Variants in LRRTM4 observed in about 807,000 individuals in gnomAD.
LRRTM4 encodes leucine rich repeat transmembrane neuronal 4.
Under a neutral mutation model 47.6 loss-of-function variants are expected in LRRTM4, and 25 were observed. That is an observed-to-expected ratio of 0.53 (90% CI 0.38 to 0.73). The LOEUF (loss-of-function observed/expected upper bound fraction) is 0.73. Among genes scored for constraint, LRRTM4 ranks in the 30% least tolerant of loss-of-function variants. The pLI is 0.00. For synonymous variants in LRRTM4, 311 were observed against 269.5 expected (o/e 1.15, Z -1.51); for missense variants, 638 against 713.4 (o/e 0.89, Z 1.20).
chr2:76,924,965 C>A (rs539245419), intron 3 of LRRTM4, among the ~76,000 whole-genome samples: 1 of 151,968 alleles, frequency 6.6e-6, no homozygotes, highest in Middle Eastern at 3.4e-3. Context: ...TCTATTGACA[C>A]GTGCCTTTGT....
intron 3 of LRRTM4, among the ~76,000 whole-genome samples, chr2:76,842,322 T>C (rs904442250): frequency 3.9e-5 from 6 of 152,180 alleles, no homozygotes; most frequent in Admixed American, 1.3e-4. Flanking sequence ...CTGACTTCAG[T>C]TGGCAGATGA....
chr2:76,795,366 AAC>A (rs1558658235), intron 3 of LRRTM4, among the ~76,000 whole-genome samples: 10 of 147,914 alleles, frequency 6.8e-5, no homozygotes, highest in South Asian at 2.1e-4. Flanking sequence ...GAATTTAACC[AAC>A]TTTATATAAG....
At chr2:77,044,733 G>T (rs184369495) in intron 3 of LRRTM4, among the ~76,000 whole-genome samples, 3 of 151,066 alleles carry the variant, frequency 2.0e-5, no homozygotes, top group Non-Finnish European at 1.5e-5. Flanking sequence ...TCTCATTTGT[G>T]CCACCTATAT....
Position 76,899,459 on chromosome 2 carries a change from C to A in LRRTM4, c.1552-150543G>T, listed in dbSNP as rs72821259. 5.8e-3 allele frequency among the ~76,000 whole-genome samples: 881 copies of A among 151,846 alleles called. 5 individuals are homozygous for A. The highest frequency in any genetic ancestry group is 0.027 in the Middle Eastern group (8 of 294). The stretch of plus-strand genomic sequence containing the variant: ...TTTAGGGTTGACTACCCATGTTAAG[C>A]TTTATGGAGAAGGTGATATTTGAAC... On this transcript the variant is annotated intron_variant, in intron 3 of 3. Transcript: ENST00000409884.
At chr2:77,123,528 G>C (rs890239061) in intron 3 of LRRTM4, among the ~76,000 whole-genome samples, 2 of 151,900 alleles carry the variant, frequency 1.3e-5, no homozygotes, top group African/African-American at 4.8e-5. Flanking sequence ...ACCTAAAATA[G>C]CAAAGATTCA....
At chr2:77,053,988 T>C (rs1679521581) in intron 3 of LRRTM4, among the ~76,000 whole-genome samples, 1 of 152,088 alleles carries the variant, frequency 6.6e-6, no homozygotes, top group African/African-American at 2.4e-5. Context: ...AAAAAAAGCT[T>C]TCAGTGAAAA....
chr2:77,395,684 C>T (rs932158229), intron 3 of LRRTM4, among the ~76,000 whole-genome samples: 2 of 152,090 alleles, frequency 1.3e-5, no homozygotes, highest in African/African-American at 2.4e-5. Context: ...GCTCCTCTTA[C>T]TAGACCTAAA....
rs1403448453 is a variant in LRRTM4, at chr2:77,081,734, T to C, written c.1552-332818A>G. Among the ~76,000 whole-genome samples the C allele has an allele frequency of 2.0e-5, 3 of 152,318 alleles. No individual in the cohort carries two copies. The East Asian group carries it at 5.8e-4, about 29-fold the overall frequency. On this transcript the variant is annotated intron_variant, in intron 3 of 3. Coordinates refer to ENST00000409884, the MANE Select transcript of LRRTM4 (RefSeq NM_001134745.3). ...TGGATAGGCTTTTAAAAAATTGTTC[T>C]AGACCTAATTTTCTGATAATGCTGC...
intron 3 of LRRTM4, among the ~76,000 whole-genome samples, chr2:77,386,809 G>A (rs898238409): frequency 1.3e-5 from 2 of 152,032 alleles, no homozygotes; most frequent in African/African-American, 2.4e-5. Context: ...CAAGGGGAGG[G>A]AGAGCATTAG....
At chr2:77,479,734 CTCTCTTTCTCTT>C (rs375901673) in intron 3 of LRRTM4, among the ~76,000 whole-genome samples, 1 of 151,496 alleles carries the variant, frequency 6.6e-6, no homozygotes, top group Non-Finnish European at 1.5e-5. Context: ...CTCTCCATCT[CTCTCTTTCTCTT>C]TCTCTTTCTC....
intron 3 of LRRTM4, among the ~76,000 whole-genome samples, chr2:77,090,602 C>T (rs568437769): frequency 6.6e-6 from 1 of 152,180 alleles, no homozygotes; most frequent in South Asian, 2.1e-4. Context: ...AACGCCTGAA[C>T]CGCAGTGGCC....
intron 3 of LRRTM4, among the ~76,000 whole-genome samples, chr2:76,850,664 C>T (rs1305761102): frequency 1.3e-5 from 2 of 152,130 alleles, no homozygotes; most frequent in Non-Finnish European, 2.9e-5. Context: ...TGTCCTTTCC[C>T]CACCTCTGTT....
At chr2:77,359,831 G>T (rs1368278985) in intron 3 of LRRTM4, among the ~76,000 whole-genome samples, 2 of 152,056 alleles carry the variant, frequency 1.3e-5, no homozygotes, top group Non-Finnish European at 2.9e-5. Flanking sequence ...CAAAGTGCCT[G>T]GTACACAGTA....
chr2:77,317,130 T>C (rs1012575372), intron 3 of LRRTM4, among the ~76,000 whole-genome samples: 5 of 148,082 alleles, frequency 3.4e-5, no homozygotes, highest in African/African-American at 1.2e-4. Flanking sequence ...ATCTTCATGA[T>C]AAAATGTAAA....
intron 3 of LRRTM4, among the ~76,000 whole-genome samples, chr2:77,506,745 A>G (rs1678792154): frequency 6.6e-6 from 1 of 151,914 alleles, no homozygotes; most frequent in South Asian, 2.1e-4. Context: ...GTAGGAATCT[A>G]TCAACATGAT....
chr2:76,836,555 T>C (rs1671519475), intron 3 of LRRTM4, among the ~76,000 whole-genome samples: 1 of 151,728 alleles, frequency 6.6e-6, no homozygotes, highest in Non-Finnish European at 1.5e-5. Context: ...GTAATAATAA[T>C]ATTGATGATA....
intron 3 of LRRTM4, among the ~76,000 whole-genome samples, chr2:77,466,817 G>T: frequency 6.6e-6 from 1 of 150,440 alleles, no homozygotes; most frequent in Non-Finnish European, 1.5e-5. Context: ...TCCTGCCTCA[G>T]CCTCCCAAGT....
chr2:76,821,890 T>C (rs1470431323), intron 3 of LRRTM4, among the ~76,000 whole-genome samples: 4 of 151,602 alleles, frequency 2.6e-5, no homozygotes, highest in Non-Finnish European at 5.9e-5. Context: ...CTGTTCCTCC[T>C]GGGGCATCCT....
chr2:76,957,406 G>A (rs571970194), intron 3 of LRRTM4, among the ~76,000 whole-genome samples: 1 of 151,722 alleles, frequency 6.6e-6, no homozygotes, highest in East Asian at 2.0e-4. Flanking sequence ...CATATTATAT[G>A]GTTTTTCCAC....
Sources: allele counts gnomAD v4.1 joint callset (sites outside exome capture counted in the v4.1 genomes callset), GRCh38; gene constraint gnomAD v4.1.1; transcripts MANE v1.5; gene names NCBI Gene and HGNC (gene_info 2026-07-23, HGNC 2026-07-21).